PPARGC1A: variants seen among roughly 807,000 people sequenced by gnomAD.
PPARGC1A encodes the protein PPARG coactivator 1 alpha.
Under a neutral mutation model 88.7 loss-of-function variants are expected in PPARGC1A, and 25 were observed. The ratio of observed to expected loss-of-function variants is 0.28; its 90% CI spans 0.21 to 0.39. PPARGC1A has a LOEUF of 0.39. Among genes scored for constraint, PPARGC1A ranks in the 10% least tolerant of loss-of-function variants. The probability of loss-of-function intolerance (pLI) is 1.00; values close to 1 mark genes in which losing one functional copy is unlikely to be tolerated. For missense variants in PPARGC1A, 880 were observed against 968.7 expected, an observed-to-expected ratio of 0.91 and a Z score of 1.22; for synonymous variants, 363 against 355.6, an observed-to-expected ratio of 1.02 and a Z score of -0.24.
the PPARGC1A span, among the ~76,000 whole-genome samples, chr4:24,260,522 G>A: frequency 1.3e-5 from 2 of 152,172 alleles, no homozygotes; most frequent in Middle Eastern, 3.2e-3. Context: ...GAGTAACAGA[G>A]CAATCAACAT....
chr4:24,400,740 G>C, the PPARGC1A span, among the ~76,000 whole-genome samples: 158 of 152,262 alleles, frequency 1.0e-3, no homozygotes, highest in African/African-American at 3.6e-3. Context: ...CAGTCAAAGC[G>C]CTTAGCACCT....
the PPARGC1A span, among the ~76,000 whole-genome samples, chr4:24,081,962 T>C: frequency 6.6e-6 from 1 of 151,924 alleles, no homozygotes; most frequent in Admixed American, 6.6e-5. Context: ...TTCTATGAGA[T>C]TGAAAAAGGG....
chr4:24,092,911 G>A, the PPARGC1A span, among the ~76,000 whole-genome samples: 13 of 152,290 alleles, frequency 8.5e-5, no homozygotes, highest in Middle Eastern at 3.4e-3. Flanking sequence ...TCGCAGAAGC[G>A]ATCATAATAT....
chr4:24,322,796 C>T, the PPARGC1A span, among the ~76,000 whole-genome samples: 2 of 152,206 alleles, frequency 1.3e-5, no homozygotes, highest in African/African-American at 2.4e-5. Context: ...TACTAGCCCA[C>T]GACTGCTTAC....
chr4:24,213,317 C>T, the PPARGC1A span, among the ~76,000 whole-genome samples: 1 of 151,974 alleles, frequency 6.6e-6, no homozygotes, highest in African/African-American at 2.4e-5. Context: ...CAGGCGCCCA[C>T]CACCCGGCCC....
At chr4:24,215,166 GAGA>G in the PPARGC1A span, among the ~76,000 whole-genome samples, 1 of 152,222 alleles carries the variant, frequency 6.6e-6, no homozygotes, top group Non-Finnish European at 1.5e-5. Context: ...CACCTGGAAA[GAGA>G]AGGACTCAGT....
chr4:23,876,859 G>C (rs1714800536), intron 2 of PPARGC1A, among the ~76,000 whole-genome samples: 1 of 152,066 alleles, frequency 6.6e-6, no homozygotes, highest in African/African-American at 2.4e-5. Context: ...GTCAGGCCAA[G>C]TCATTTTATG....
chr4:24,176,482 G>A, the PPARGC1A span, among the ~76,000 whole-genome samples: 3 of 152,092 alleles, frequency 2.0e-5, no homozygotes, highest in African/African-American at 4.8e-5. Context: ...AGAGCCAGGA[G>A]ATCTTCAAAG....
At chr4:23,935,142 GA>G in the PPARGC1A span, among the ~76,000 whole-genome samples, 23 of 152,252 alleles carry the variant, frequency 1.5e-4, no homozygotes, top group African/African-American at 5.5e-4. Flanking sequence ...GCCACCTCCC[GA>G]AAGAGCTGCC....
chr4:24,252,630 A>T, the PPARGC1A span, among the ~76,000 whole-genome samples: 2 of 152,342 alleles, frequency 1.3e-5, no homozygotes, highest in South Asian at 4.1e-4. Context: ...TTCCAATGGA[A>T]TATGAGTGAG....
At chr4:24,285,054 T>TA in the PPARGC1A span, among the ~76,000 whole-genome samples, 8,329 of 151,702 alleles carry the variant, frequency 0.055, 757 homozygotes, top group African/African-American at 0.19. Context: ...AAGAAGAAGT[T>TA]AAAAAAAATC....
the PPARGC1A span, among the ~76,000 whole-genome samples, chr4:24,445,211 C>A: frequency 6.6e-6 from 1 of 152,188 alleles, no homozygotes; most frequent in Non-Finnish European, 1.5e-5. Context: ...AAGACCATCA[C>A]CCCAGTCAAC....
At chr4:24,204,175 C>G in the PPARGC1A span, among the ~76,000 whole-genome samples, 1 of 152,198 alleles carries the variant, frequency 6.6e-6, no homozygotes, top group East Asian at 1.9e-4. Context: ...GTCAATAAAA[C>G]TCACATTGGG....
chr4:24,453,798 C>T, the PPARGC1A span, among the ~76,000 whole-genome samples: 8 of 151,484 alleles, frequency 5.3e-5, no homozygotes, highest in Non-Finnish European at 1.2e-4. Flanking sequence ...AAAAAGTGGT[C>T]GCTAATTCCC....
At chr4:23,837,363 G>A (rs1726196923) in intron 2 of PPARGC1A, among the ~76,000 whole-genome samples, 1 of 140,446 alleles carries the variant, frequency 7.1e-6, no homozygotes, top group South Asian at 2.4e-4. Flanking sequence ...TCCTATTACG[G>A]AATTTTTTTG....
the PPARGC1A span, among the ~76,000 whole-genome samples, chr4:24,266,808 A>G: frequency 6.6e-6 from 1 of 152,166 alleles, no homozygotes; most frequent in Non-Finnish European, 1.5e-5. Context: ...CCCATTCCTC[A>G]CTACCAGCTA....
chr4:24,028,562 T>C, the PPARGC1A span, among the ~76,000 whole-genome samples: 3 of 152,292 alleles, frequency 2.0e-5, no homozygotes, highest in East Asian at 3.9e-4. Flanking sequence ...CTCTGTGCAC[T>C]GTGAGTCAAG....
the PPARGC1A span, among the ~76,000 whole-genome samples, chr4:24,396,242 G>A: frequency 6.6e-6 from 1 of 152,160 alleles, no homozygotes; most frequent in African/African-American, 2.4e-5. Flanking sequence ...CTTAGAGCAA[G>A]TGCAGGACGA....
the PPARGC1A span, among the ~76,000 whole-genome samples, chr4:24,122,356 T>C: frequency 6.6e-6 from 1 of 151,566 alleles, no homozygotes; most frequent in East Asian, 1.9e-4. Flanking sequence ...AGCCTCTCTG[T>C]GAGTGTATGC....
Sources: gnomAD v4.1 joint callset for allele counts (sites outside exome capture counted in the v4.1 genomes callset) on GRCh38, gnomAD v4.1.1 for gene constraint, MANE v1.5 for transcripts, NCBI Gene and HGNC (gene_info 2026-07-23, HGNC 2026-07-21) for gene names.